The following PRKCA variants were observed in gnomAD, a reference collection of about 807,000 sequenced individuals.
PRKCA encodes the protein protein kinase C alpha type.
PRKCA carries 27 observed loss-of-function variants against 87.0 expected under a neutral mutation model. The ratio of observed to expected loss-of-function variants is 0.31; its 90% CI spans 0.23 to 0.43. The LOEUF is 0.43. Among genes scored for constraint, PRKCA ranks in the 20% least tolerant of loss-of-function variants. The pLI, the probability that PRKCA is intolerant of heterozygous loss-of-function variation, is 1.00. For synonymous variants in PRKCA, 329 were observed against 311.1 expected (o/e 1.06, Z -0.61); for missense variants, 518 against 852.3 (o/e 0.61, Z 4.88).
At chr17:66,337,555 ATT>A (rs796605646) in intron 2 of PRKCA, among the ~76,000 whole-genome samples, 1 of 143,288 alleles carries the variant, frequency 7.0e-6, no homozygotes, top group Admixed American at 7.0e-5. Context: ...ATGGCCAGCT[ATT>A]TTTTTTTTTT....
intron 8 of PRKCA, among the ~76,000 whole-genome samples, chr17:66,719,173 A>T (rs1464514689): frequency 6.6e-6 from 1 of 152,222 alleles, no homozygotes; most frequent in Non-Finnish European, 1.5e-5. Flanking sequence ...GTCATTGAAA[A>T]CAGAACTAGG....
chr17:66,674,906 A>G (rs17688743), intron 5 of PRKCA, among the ~76,000 whole-genome samples: 7,987 of 152,248 alleles, frequency 0.052, 283 homozygotes, highest in Admixed American at 0.077. Flanking sequence ...TCCTTATGCC[A>G]TGGAGGGCCT....
At chr17:66,647,490 CAT>C (rs1405050164) in intron 5 of PRKCA, among the ~76,000 whole-genome samples, 1 of 152,174 alleles carries the variant, frequency 6.6e-6, no homozygotes, top group Admixed American at 6.5e-5. Context: ...TAAAGCAAAA[CAT>C]GTGCTATGCA....
chr17:66,321,318 C>T (rs1905644433), intron 2 of PRKCA, among the ~76,000 whole-genome samples: 1 of 152,102 alleles, frequency 6.6e-6, no homozygotes, highest in Admixed American at 6.6e-5. Context: ...GTCTTTGAAC[C>T]ATATTCAGAA....
intron 2 of PRKCA, among the ~76,000 whole-genome samples, chr17:66,377,796 C>T (rs1452321449): frequency 1.1e-5 from 1 of 92,140 alleles, no homozygotes; most frequent in African/African-American, 4.1e-5. Context: ...TAATTTTTTT[C>T]TTTTAATAGA....
At chr17:66,446,405 T>C (rs1378430889) in intron 2 of PRKCA, among the ~76,000 whole-genome samples, 3 of 152,188 alleles carry the variant, frequency 2.0e-5, no homozygotes, top group Non-Finnish European at 4.4e-5. Flanking sequence ...GAAACAATTT[T>C]CTTCTTCCTC....
intron 2 of PRKCA, among the ~76,000 whole-genome samples, chr17:66,414,649 G>A (rs942823048): frequency 6.6e-6 from 1 of 152,196 alleles, no homozygotes; most frequent in Non-Finnish European, 1.5e-5. Context: ...CAGCTTGGCA[G>A]TGGATCTAAC....
At position 66,628,723 on chromosome 17, in the gene PRKCA, A is replaced by G. The variant is rs186841321; in HGVS notation, c.289-12632A>G. On this transcript the variant is annotated intron_variant, in intron 3 of 16. Coordinates refer to ENST00000413366, the MANE Select transcript of PRKCA (RefSeq NM_002737.3). ...AAGTGAGGTTATAACCAAAAAGATC[A>G]CTGAACATCAATAAATAAAATTGGC... Among the ~76,000 whole-genome samples the G allele has an allele frequency of 2.5e-3, 383 of 152,316 alleles. 6 individuals are homozygous for G. Among genetic ancestry groups the G allele is most frequent in the Non-Finnish European group, 6.0e-4 (41 of 68,026 alleles).
At chr17:66,552,098 G>A (rs1238076815) in intron 3 of PRKCA, among the ~76,000 whole-genome samples, 1 of 152,088 alleles carries the variant, frequency 6.6e-6, no homozygotes, top group Non-Finnish European at 1.5e-5. Context: ...AGGAGTTTGA[G>A]ACCAGTCTGG....
At chr17:66,674,907 T>C (rs1444095000) in intron 5 of PRKCA, among the ~76,000 whole-genome samples, 1 of 152,194 alleles carries the variant, frequency 6.6e-6, no homozygotes, top group Non-Finnish European at 1.5e-5. Context: ...CCTTATGCCA[T>C]GGAGGGCCTG....
intron 14 of PRKCA, chr17:66,775,404 A>G (rs2144340730): frequency 1.0e-6 from 1 of 984,846 alleles, no homozygotes; most frequent in Non-Finnish European, 1.2e-6. Flanking sequence ...CCTAGGTTCC[A>G]CTGGCCACTT....
At chr17:66,698,986 G>GA (rs58715321) in intron 8 of PRKCA, among the ~76,000 whole-genome samples, 23 of 147,338 alleles carry the variant, frequency 1.6e-4, no homozygotes, top group African/African-American at 3.0e-4. Context: ...TTAAAAAAAA[G>GA]AAAAAAAAAA....
At position 66,788,805 on chromosome 17, in the gene PRKCA, T is replaced by C. The variant is rs376002167; in HGVS notation, c.1714-34T>C. ...TGCTGTCTGTGGGAAGCCCTTGACATCCATTGTTCTCCTTTTCTCCTTTTC... is the reference window on the plus strand; with the variant it reads ...TGCTGTCTGTGGGAAGCCCTTGACACCCATTGTTCTCCTTTTCTCCTTTTC... On this transcript the variant is annotated intron_variant, in intron 15 of 16. Transcript: ENST00000413366. The C allele has an allele frequency of 1.4e-5, 22 of 1,603,634 alleles. No homozygotes were observed. In the African/African-American group the frequency reaches 3.0e-4, roughly 22 times the overall value.
chr17:66,733,685 G>A (rs1205434731), intron 9 of PRKCA, among the ~76,000 whole-genome samples: 2 of 152,128 alleles, frequency 1.3e-5, no homozygotes, highest in Non-Finnish European at 2.9e-5. Context: ...CCAGCTACTC[G>A]GGAAGCTGAG....
chr17:66,687,754 C>T (rs999505039), intron 6 of PRKCA, among the ~76,000 whole-genome samples: 1 of 152,082 alleles, frequency 6.6e-6, no homozygotes, highest in Non-Finnish European at 1.5e-5. Context: ...TTAAAGCCAG[C>T]CTGGGAGGGT....
Position 66,673,000 on chromosome 17 carries a change from G to A in PRKCA, c.530-14111G>A, listed in dbSNP as rs143220871. Among the ~76,000 whole-genome samples, 873 of 152,122 alleles carry A rather than the reference G, an allele frequency of 5.7e-3. 3 individuals are homozygous for A. The highest frequency in any genetic ancestry group is 0.014 in the Middle Eastern group (4 of 294). Reference sequence around the variant, plus strand: ...AATTTCTTGTATGATGGGTGCACCCGTTACTCCTATAATAAGAAAAAAATT... The same window carrying A: ...AATTTCTTGTATGATGGGTGCACCCATTACTCCTATAATAAGAAAAAAATT... On this transcript the variant is annotated intron_variant, in intron 5 of 16. Coordinates refer to ENST00000413366, the MANE Select transcript of PRKCA (RefSeq NM_002737.3).
chr17:66,734,309 G>A (rs1973971411), intron 9 of PRKCA, among the ~76,000 whole-genome samples: 1 of 152,200 alleles, frequency 6.6e-6, no homozygotes, highest in African/African-American at 2.4e-5. Flanking sequence ...GCTTGACTGA[G>A]TATACTTAGA....
At chr17:66,479,308 C>T (rs1915673484) in intron 2 of PRKCA, among the ~76,000 whole-genome samples, 1 of 152,036 alleles carries the variant, frequency 6.6e-6, no homozygotes. Flanking sequence ...AACAAAATAC[C>T]ATCTCACACC....
At chr17:66,699,210 C>CAAA (rs59337509) in intron 8 of PRKCA, among the ~76,000 whole-genome samples, 2 of 105,622 alleles carry the variant, frequency 1.9e-5, no homozygotes, top group African/African-American at 3.6e-5. Context: ...GACTGTCTCT[C>CAAA]AAAAAAAAAA....
Sources: allele counts gnomAD v4.1 joint callset (sites outside exome capture counted in the v4.1 genomes callset), GRCh38; gene constraint gnomAD v4.1.1; transcripts MANE v1.5; gene names NCBI Gene and HGNC (gene_info 2026-07-23, HGNC 2026-07-21).